Variants in ACTR3C observed in about 807,000 individuals in gnomAD.
The protein encoded by ACTR3C is actin related protein 3C.
Under a neutral mutation model 26.3 loss-of-function variants are expected in ACTR3C, and 18 were observed. The ratio of observed to expected loss-of-function variants is 0.68; its 90% CI spans 0.47 to 1.01. ACTR3C has a LOEUF of 1.01. Ranked by LOEUF, ACTR3C falls within the 50% of genes least tolerant of loss-of-function variation. The pLI is 0.00. For missense variants in ACTR3C, 184 were observed against 250.7 expected (o/e 0.73, Z 1.80); for synonymous variants, 55 against 94.5 (o/e 0.58, Z 2.42).
chr7:150,108,842 A>G, the ACTR3C span, among the ~76,000 whole-genome samples: 1 of 150,938 alleles, frequency 6.6e-6, no homozygotes, highest in African/African-American at 2.5e-5. Flanking sequence ...AGGGAGTGTA[A>G]TAAGTTAAAG....
chr7:150,080,515 GTTTGTGTGTGTA>G, the ACTR3C span, among the ~76,000 whole-genome samples: 203 of 136,598 alleles, frequency 1.5e-3, 2 homozygotes, highest in African/African-American at 4.8e-3. Flanking sequence ...CTGTATGAGT[GTTTGTGTGTGTA>G]TGTGTGTGTG....
At chr7:150,058,917 CA>C in the ACTR3C span, among the ~76,000 whole-genome samples, 2 of 151,720 alleles carry the variant, frequency 1.3e-5, no homozygotes, top group African/African-American at 4.8e-5. Flanking sequence ...GACTCTGCCT[CA>C]AAAAAACAAA....
intron 1 of ACTR3C, among the ~76,000 whole-genome samples, chr7:150,316,775 C>T (rs538458589): frequency 3.9e-5 from 6 of 152,180 alleles, no homozygotes; most frequent in Admixed American, 2.6e-4. Flanking sequence ...TGAGCCACCA[C>T]GCCTGGCCAA....
intron 6 of ACTR3C, chr7:150,264,431 G>A (rs1833876964): frequency 3.0e-6 from 1 of 338,000 alleles, no homozygotes; most frequent in African/African-American, 2.3e-5. Context: ...TGCTTCTGGA[G>A]AAGTTAGAAA....
the ACTR3C span, among the ~76,000 whole-genome samples, chr7:150,188,216 A>G: frequency 6.6e-6 from 1 of 152,174 alleles, no homozygotes; most frequent in Non-Finnish European, 1.5e-5. Context: ...AATAGAGTTT[A>G]TAGCTTTTTG....
chr7:150,223,022 A>G, the ACTR3C span, among the ~76,000 whole-genome samples: 5 of 152,236 alleles, frequency 3.3e-5, no homozygotes, highest in African/African-American at 1.2e-4. Context: ...ACAGTTATGT[A>G]TATTTGTATA....
chr7:150,072,128 T>G, the ACTR3C span, among the ~76,000 whole-genome samples: 1 of 139,382 alleles, frequency 7.2e-6, no homozygotes, highest in Non-Finnish European at 1.6e-5. Flanking sequence ...GGGGAGCATG[T>G]GCATAGGCAC....
the ACTR3C span, among the ~76,000 whole-genome samples, chr7:149,945,539 G>C: frequency 6.6e-6 from 1 of 152,172 alleles, no homozygotes; most frequent in Non-Finnish European, 1.5e-5. Context: ...AGGCTCTGGG[G>C]ACAGGGTGAA....
chr7:150,139,586 A>G, the ACTR3C span, among the ~76,000 whole-genome samples: 1 of 152,288 alleles, frequency 6.6e-6, no homozygotes, highest in Non-Finnish European at 1.5e-5. Context: ...ATCTCTTTTT[A>G]TTCTGAGACT....
At chr7:150,037,819 G>C in the ACTR3C span, among the ~76,000 whole-genome samples, 5 of 70,444 alleles carry the variant, frequency 7.1e-5, 1 homozygote, top group East Asian at 8.7e-4. Context: ...AAGAGGGACT[G>C]GCACTCAGTC....
chr7:150,006,958 CTA>C, the ACTR3C span, among the ~76,000 whole-genome samples: 2 of 152,104 alleles, frequency 1.3e-5, no homozygotes, highest in African/African-American at 4.8e-5. Flanking sequence ...GGATCCTAAG[CTA>C]CACAGAACCT....
At chr7:149,904,407 G>A in the ACTR3C span, among the ~76,000 whole-genome samples, 1 of 151,234 alleles carries the variant, frequency 6.6e-6, no homozygotes, top group African/African-American at 2.4e-5. Flanking sequence ...GCGTGCACCT[G>A]TAGTCCCAAC....
the ACTR3C span, among the ~76,000 whole-genome samples, chr7:150,065,524 G>A: frequency 6.6e-6 from 1 of 152,204 alleles, no homozygotes. Context: ...CAGCTAGTGA[G>A]CAATTTGTCC....
At chr7:150,298,490 C>T (rs1795132479) in intron 1 of ACTR3C, among the ~76,000 whole-genome samples, 1 of 148,460 alleles carries the variant, frequency 6.7e-6, no homozygotes, top group African/African-American at 2.5e-5. Flanking sequence ...CTTTACTAGG[C>T]TTGGTAAGCT....
the ACTR3C span, among the ~76,000 whole-genome samples, chr7:150,052,555 CAT>C: frequency 4.5e-5 from 6 of 131,958 alleles, no homozygotes; most frequent in East Asian, 1.5e-3. Flanking sequence ...CCCAATAGCA[CAT>C]GTCTCTGCAT....
the ACTR3C span, among the ~76,000 whole-genome samples, chr7:150,093,972 T>A: frequency 1.3e-5 from 2 of 150,596 alleles, no homozygotes; most frequent in Admixed American, 6.6e-5. Flanking sequence ...AACCTTATGA[T>A]GCAAATACAA....
chr7:149,957,004 CA>C, the ACTR3C span, among the ~76,000 whole-genome samples: 1 of 152,132 alleles, frequency 6.6e-6, no homozygotes, highest in Admixed American at 6.6e-5. Context: ...TTCTGTCTCT[CA>C]TACAGACTGG....
At chr7:150,161,484 G>A in the ACTR3C span, among the ~76,000 whole-genome samples, 13 of 151,716 alleles carry the variant, frequency 8.6e-5, no homozygotes, top group African/African-American at 2.7e-4. Context: ...TTGTCCTTGC[G>A]GTAGTTTGCT....
At chr7:150,301,198 A>G (rs1431309713) in intron 1 of ACTR3C, among the ~76,000 whole-genome samples, 1 of 152,240 alleles carries the variant, frequency 6.6e-6, no homozygotes, top group East Asian at 1.9e-4. Context: ...TAGGAACCCA[A>G]GCATAATTAT....
Sources: allele counts gnomAD v4.1 joint callset (sites outside exome capture counted in the v4.1 genomes callset), GRCh38; gene constraint gnomAD v4.1.1; transcripts MANE v1.5; gene names NCBI Gene and HGNC (gene_info 2026-07-23, HGNC 2026-07-21).